ZBBX: variants seen among roughly 807,000 people sequenced by gnomAD.
ZBBX encodes the protein zinc finger B-box domain-containing protein 1.
In ZBBX, 101 loss-of-function variants were observed where a neutral mutation model predicts 108.5. The observed-to-expected ratio is 0.93, with a 90% CI of 0.79 to 1.10. The LOEUF (loss-of-function observed/expected upper bound fraction) is 1.10. ZBBX is among the 50% of genes least tolerant of loss of function. The probability of loss-of-function intolerance (pLI) is 0.00; values close to 1 mark genes in which losing one functional copy is unlikely to be tolerated. For missense variants in ZBBX, 1,009 were observed against 941.4 expected, an observed-to-expected ratio of 1.07 and a Z score of -0.94; for synonymous variants, 356 against 323.4, an observed-to-expected ratio of 1.10 and a Z score of -1.08.
intron 2 of ZBBX, among the ~76,000 whole-genome samples, chr3:167,378,663 A>G (rs1747337526): frequency 6.6e-6 from 1 of 152,186 alleles, no homozygotes; most frequent in East Asian, 1.9e-4. Flanking sequence ...GAAACTACCT[A>G]GAGAAGGCAC....
At chr3:167,183,309 C>T in the ZBBX span, among the ~76,000 whole-genome samples, 2 of 152,330 alleles carry the variant, frequency 1.3e-5, no homozygotes, top group East Asian at 3.9e-4. Flanking sequence ...TTCTTACTCA[C>T]CACAGGGATT....
intron 10 of ZBBX, 109 bp from the exon 11 acceptor site, chr3:167,328,225 T>C (rs1044735110): frequency 9.3e-7 from 1 of 1,071,422 alleles, no homozygotes; most frequent in Admixed American, 2.6e-5. Flanking sequence ...GAACTAATTA[T>C]TAGTCATCAC....
rs775781596 is a variant in ZBBX, at chr3:167,287,966, C to T, written c.1996+901G>A. On this transcript the variant is annotated intron_variant, in intron 19 of 21. Coordinates refer to ENST00000675490, the MANE Select transcript of ZBBX (RefSeq NM_001199201.2). ...CTTATATAGAGAGGCAAATCATATG[C>T]AATTAAATTTCTGCCTTGAAGATAG... 2.2e-4 allele frequency among the ~76,000 whole-genome samples: 33 copies of T among 152,008 alleles called. 1 individual carries two copies. Among genetic ancestry groups the T allele is most frequent in the Non-Finnish European group, 4.9e-4 (33 of 67,960 alleles).
intron 1 of ZBBX, among the ~76,000 whole-genome samples, chr3:167,407,604 C>T (rs1487279644): frequency 6.6e-6 from 1 of 151,948 alleles, no homozygotes; most frequent in Non-Finnish European, 1.5e-5. Context: ...ACACTGTATT[C>T]TTACCCACAA....
chr3:167,315,899 A>C (rs1735370295), intron 14 of ZBBX, 70 bp from the exon 15 acceptor site: 2 of 921,636 alleles, frequency 2.2e-6, no homozygotes, highest in Non-Finnish European at 1.6e-6. Flanking sequence ...CAACTTACTT[A>C]TGGGTGATAT....
At chr3:167,334,240 T>C (rs1378128825) in intron 9 of ZBBX, among the ~76,000 whole-genome samples, 2 of 152,176 alleles carry the variant, frequency 1.3e-5, no homozygotes, top group Non-Finnish European at 2.9e-5. Context: ...AAGGCAATTC[T>C]AAAACATAAA....
chr3:167,210,750 T>C, the ZBBX span, among the ~76,000 whole-genome samples: 2 of 152,242 alleles, frequency 1.3e-5, no homozygotes, highest in South Asian at 2.1e-4. Context: ...TGAAATGACA[T>C]ATTTAAAGTG....
At chr3:167,404,283 C>A (rs753376815) in intron 1 of ZBBX, among the ~76,000 whole-genome samples, 2 of 151,302 alleles carry the variant, frequency 1.3e-5, no homozygotes, top group Non-Finnish European at 2.9e-5. Flanking sequence ...GTAAGCAAAG[C>A]AAAACTTTAC....
At chr3:167,270,628 C>T (rs1726355008) in intron 20 of ZBBX, among the ~76,000 whole-genome samples, 1 of 152,116 alleles carries the variant, frequency 6.6e-6, no homozygotes, top group African/African-American at 2.4e-5. Flanking sequence ...TGTGGATGGC[C>T]TCAATGCATC....
chr3:167,367,068 A>G, intron 5 of ZBBX: 3 of 353,688 alleles, frequency 8.5e-6, no homozygotes, highest in South Asian at 4.4e-5. Context: ...TTGAATTGTC[A>G]TTAAACGTTA....
At chr3:167,198,242 C>A in the ZBBX span, among the ~76,000 whole-genome samples, 1 of 151,678 alleles carries the variant, frequency 6.6e-6, no homozygotes, top group Non-Finnish European at 1.5e-5. Flanking sequence ...CAGAATCATA[C>A]CTATGCTTTC....
intron 20 of ZBBX, among the ~76,000 whole-genome samples, chr3:167,265,315 G>A (rs1319061849): frequency 2.6e-5 from 4 of 152,116 alleles, no homozygotes; most frequent in African/African-American, 9.7e-5. Context: ...CCAGGACTGG[G>A]TTCTCGTCCC....
intron 6 of ZBBX, among the ~76,000 whole-genome samples, chr3:167,362,360 T>C (rs1436696637): frequency 6.6e-6 from 1 of 151,964 alleles, no homozygotes; most frequent in Non-Finnish European, 1.5e-5. Context: ...CACAGACATA[T>C]TATCTATGCC....
the ZBBX span, among the ~76,000 whole-genome samples, chr3:167,218,275 A>T: frequency 1.3e-5 from 2 of 152,186 alleles, no homozygotes; most frequent in African/African-American, 4.8e-5. Context: ...TTAAAAAATC[A>T]TCTGAAAGTG....
the ZBBX span, among the ~76,000 whole-genome samples, chr3:167,192,828 T>G: frequency 3.3e-5 from 5 of 152,218 alleles, no homozygotes; most frequent in Non-Finnish European, 5.9e-5. Context: ...TTAAAATTAT[T>G]TTAATCTCTT....
intron 20 of ZBBX, among the ~76,000 whole-genome samples, chr3:167,255,175 T>G (rs1339766532): frequency 1.3e-5 from 2 of 151,860 alleles, no homozygotes; most frequent in Non-Finnish European, 2.9e-5. Flanking sequence ...AACAAAAGTT[T>G]AATGAAAAAA....
At chr3:167,382,988 A>G (rs1277786828), upstream of ZBBX, among the ~76,000 whole-genome samples, 1 of 152,176 alleles carries the variant, frequency 6.6e-6, no homozygotes, top group Non-Finnish European at 1.5e-5. Flanking sequence ...ACAGTCAGCT[A>G]CCAAATTTTC....
At chr3:167,277,819 T>C (rs1007202369) in intron 20 of ZBBX, among the ~76,000 whole-genome samples, 25 of 152,188 alleles carry the variant, frequency 1.6e-4, no homozygotes, top group African/African-American at 5.5e-4. Context: ...CCACACCACA[T>C]CTATTCCGAA....
At chr3:167,288,285 T>A (rs1349454305) in intron 19 of ZBBX, among the ~76,000 whole-genome samples, 1 of 152,164 alleles carries the variant, frequency 6.6e-6, no homozygotes, top group East Asian at 1.9e-4. Context: ...TAGGAAAGTA[T>A]CAAAATAGAT....
Sources: allele counts gnomAD v4.1 joint callset (sites outside exome capture counted in the v4.1 genomes callset), GRCh38; gene constraint gnomAD v4.1.1; transcripts MANE v1.5; gene names NCBI Gene and HGNC (gene_info 2026-07-23, HGNC 2026-07-21).